PARD3B: variants seen among roughly 807,000 people sequenced by gnomAD.
PARD3B encodes the protein partitioning defective 3 homolog B.
In PARD3B, 103 loss-of-function variants were observed where a neutral mutation model predicts 130.2. That is an observed-to-expected ratio of 0.79 (90% CI 0.67 to 0.93). The LOEUF (loss-of-function observed/expected upper bound fraction) is 0.93, where lower values mean the gene tolerates loss of function less well. Ranked by LOEUF, PARD3B falls within the 40% of genes least tolerant of loss-of-function variation. PARD3B has a pLI of 0.00. For synonymous variants in PARD3B, 583 were observed against 553.2 expected (o/e 1.05, Z -0.76); for missense variants, 1,609 against 1,499.2 (o/e 1.07, Z -1.21).
At chr2:205,175,084 A>G (rs2035391793) in intron 12 of PARD3B, among the ~76,000 whole-genome samples, 1 of 152,196 alleles carries the variant, frequency 6.6e-6, no homozygotes, top group African/African-American at 2.4e-5. Context: ...TGGCTGGGAC[A>G]CTAATGGAGG....
At position 205,543,257 on chromosome 2, in the gene PARD3B, A is replaced by C. The variant is rs188380435; in HGVS notation, c.3181-10067A>C. On this transcript the variant is annotated intron_variant, in intron 21 of 22. Transcript: ENST00000406610. ...TGAATAACTGAAAAAAAAACTGTAC[A>C]TAAACCAGGCTATTTTTATAACACA... 7.2e-4 allele frequency among the ~76,000 whole-genome samples: 109 copies of C among 152,348 alleles called. 1 individual carries two copies. Among genetic ancestry groups the C allele is most frequent in the African/African-American group, 2.5e-3 (106 of 41,580 alleles).
intron 1 of PARD3B, among the ~76,000 whole-genome samples, chr2:204,552,333 G>A (rs10194617): frequency 0.013 from 1,930 of 152,172 alleles, 36 homozygotes; most frequent in African/African-American, 0.044. Flanking sequence ...GTAAGCCCAG[G>A]TTGGCCTCAG....
chr2:204,747,458 C>A (rs1444559382), intron 2 of PARD3B, among the ~76,000 whole-genome samples: 1 of 152,142 alleles, frequency 6.6e-6, no homozygotes, highest in Non-Finnish European at 1.5e-5. Flanking sequence ...AAGAACATTC[C>A]ATGCTCATGG....
chr2:204,772,185 T>G (rs191763765), intron 2 of PARD3B, among the ~76,000 whole-genome samples: 2 of 152,196 alleles, frequency 1.3e-5, no homozygotes, highest in East Asian at 3.9e-4. Flanking sequence ...AACTTAGTTT[T>G]GAATTTAACC....
intron 2 of PARD3B, among the ~76,000 whole-genome samples, chr2:204,947,583 G>C (rs1486672100): frequency 9.3e-6 from 1 of 107,218 alleles, no homozygotes; most frequent in Non-Finnish European, 1.7e-5. Flanking sequence ...CCCTCTCTTA[G>C]CCTTTGGCTA....
At chr2:205,137,252 G>A (rs1481695809) in intron 10 of PARD3B, among the ~76,000 whole-genome samples, 1 of 152,114 alleles carries the variant, frequency 6.6e-6, no homozygotes, top group African/African-American at 2.4e-5. Context: ...CGTTTATGAG[G>A]TGGGACTCTG....
At chr2:204,707,646 T>C (rs1387519346) in intron 2 of PARD3B, among the ~76,000 whole-genome samples, 1 of 152,192 alleles carries the variant, frequency 6.6e-6, no homozygotes, top group Non-Finnish European at 1.5e-5. Flanking sequence ...CTTTGTACTG[T>C]ATTTTCCACA....
chr2:204,708,655 G>A (rs894087588), intron 2 of PARD3B, among the ~76,000 whole-genome samples: 1 of 152,062 alleles, frequency 6.6e-6, no homozygotes, highest in African/African-American at 2.4e-5. Flanking sequence ...TTTGTTTCTA[G>A]GGATTTACAT....
At chr2:205,156,844 A>G (rs971664934) in intron 10 of PARD3B, among the ~76,000 whole-genome samples, 2 of 152,228 alleles carry the variant, frequency 1.3e-5, no homozygotes, top group African/African-American at 4.8e-5. Flanking sequence ...AAAAGAAAAG[A>G]TAATGATAAT....
chr2:204,608,158 A>G lies in PARD3B; in HGVS notation c.120+62039A>G, dbSNP rs531539898. On this transcript the variant is annotated intron_variant, in intron 1 of 22. Transcript: ENST00000406610. ...GGCTTCAGACAGGCAACAGGGGGGA[A>G]TTTGTTTTTAATTTTAGGCATTTTA... Among the ~76,000 whole-genome samples, 6 of 152,264 alleles carry G rather than the reference A, an allele frequency of 3.9e-5. No individual in the cohort carries two copies. The East Asian group carries it at 1.2e-3, about 29-fold the overall frequency.
chr2:204,690,914 C>T (rs1195119823), intron 2 of PARD3B, among the ~76,000 whole-genome samples: 1 of 152,126 alleles, frequency 6.6e-6, no homozygotes, highest in Non-Finnish European at 1.5e-5. Flanking sequence ...CTCCCAAAGT[C>T]CATCACAAAT....
chr2:205,089,866 G>C (rs1489665836), intron 4 of PARD3B, among the ~76,000 whole-genome samples: 3 of 152,142 alleles, frequency 2.0e-5, no homozygotes, highest in Non-Finnish European at 4.4e-5. Context: ...TCAGAGGAAG[G>C]TCATCCACAG....
intron 4 of PARD3B, among the ~76,000 whole-genome samples, chr2:205,101,277 G>A (rs1163393969): frequency 6.6e-6 from 1 of 152,056 alleles, no homozygotes; most frequent in Admixed American, 6.6e-5. Context: ...TACCCATTAG[G>A]ATGAATACAA....
Position 205,150,252 on chromosome 2 carries a change from T to TGTGTGTGTGTGCGCGC in PARD3B, c.1435-8469_1435-8468insTGTGTGTGTGCGCGCG, listed in dbSNP as rs375301293. On this transcript the variant is annotated intron_variant, in intron 10 of 22. Coordinates refer to ENST00000406610, the MANE Select transcript of PARD3B (RefSeq NM_001302769.2). ...GTGTGTGTGTGTGTGTGTGTGTGTGTGCACACACGCTTGAAATCTGTGAGT... is the reference window on the plus strand; with the variant it reads ...GTGTGTGTGTGTGTGTGTGTGTGTGTGTGTGTGTGTGCGCGCGCACACACGCTTGAAATCTGTGAGT... 1.2e-3 allele frequency among the ~76,000 whole-genome samples: 171 copies of TGTGTGTGTGTGCGCGC among 145,872 alleles called. 1 individual carries two copies. Among genetic ancestry groups the TGTGTGTGTGTGCGCGC allele is most frequent in the African/African-American group, 4.1e-3 (160 of 38,952 alleles).
intron 10 of PARD3B, among the ~76,000 whole-genome samples, chr2:205,129,911 T>C (rs1575883551): frequency 6.6e-6 from 1 of 152,200 alleles, no homozygotes; most frequent in Non-Finnish European, 1.5e-5. Flanking sequence ...AAAAGAACTG[T>C]GCTGAACTCC....
intron 18 of PARD3B, among the ~76,000 whole-genome samples, chr2:205,359,087 G>A (rs986247743): frequency 1.3e-5 from 2 of 152,242 alleles, no homozygotes; most frequent in South Asian, 2.1e-4. Flanking sequence ...TATAATGTTT[G>A]GGAATTATGC....
intron 20 of PARD3B, among the ~76,000 whole-genome samples, chr2:205,490,516 T>A (rs1260227486): frequency 1.3e-5 from 2 of 152,220 alleles, no homozygotes; most frequent in African/African-American, 4.8e-5. Flanking sequence ...TCTATCATTG[T>A]TGGACATTTG....
chr2:205,155,899 T>C (rs966896507), intron 10 of PARD3B, among the ~76,000 whole-genome samples: 26 of 152,140 alleles, frequency 1.7e-4, no homozygotes, highest in Non-Finnish European at 3.4e-4. Flanking sequence ...GGGTTGTTTG[T>C]TTTTTTCTTG....
chr2:205,159,327 T>C (rs2034370519), intron 11 of PARD3B, among the ~76,000 whole-genome samples: 1 of 152,206 alleles, frequency 6.6e-6, no homozygotes, highest in African/African-American at 2.4e-5. Flanking sequence ...GATTGTAGTA[T>C]AAATTAAAGG....
Sources: allele counts gnomAD v4.1 joint callset (sites outside exome capture counted in the v4.1 genomes callset), GRCh38; gene constraint gnomAD v4.1.1; transcripts MANE v1.5; gene names NCBI Gene and HGNC (gene_info 2026-07-23, HGNC 2026-07-21).